Variants in MYO1B observed in about 807,000 individuals in gnomAD.
MYO1B encodes unconventional myosin-Ib.
In MYO1B, 72 loss-of-function variants were observed where a neutral mutation model predicts 159.7. The ratio of observed to expected loss-of-function variants is 0.45; its 90% CI spans 0.37 to 0.55. MYO1B has a LOEUF of 0.55. MYO1B is among the 20% of genes least tolerant of loss of function. The pLI is 0.00. For missense variants in MYO1B, 1,062 were observed against 1,364.8 expected (o/e 0.78, Z 3.50); for synonymous variants, 468 against 473.8 (o/e 0.99, Z 0.16).
intron 4 of MYO1B, among the ~76,000 whole-genome samples, chr2:191,338,672 C>T (rs1385959527): frequency 6.6e-6 from 1 of 152,186 alleles, no homozygotes; most frequent in Non-Finnish European, 1.5e-5. Context: ...AGCAGTTGTC[C>T]TCTAAGTTCA....
intron 2 of MYO1B, among the ~76,000 whole-genome samples, chr2:191,286,815 C>A (rs921117254): frequency 3.9e-5 from 6 of 152,008 alleles, no homozygotes; most frequent in Non-Finnish European, 8.8e-5. Context: ...TACCTGTAGT[C>A]CCAGGTATTC....
At chr2:191,299,237 G>A (rs1032816608) in intron 3 of MYO1B, among the ~76,000 whole-genome samples, 2 of 152,072 alleles carry the variant, frequency 1.3e-5, no homozygotes, top group Non-Finnish European at 2.9e-5. Flanking sequence ...CACCCCCAAG[G>A]AAAAGAACCA....
chr2:191,313,040 C>G (rs929842114), intron 3 of MYO1B, among the ~76,000 whole-genome samples: 3 of 151,992 alleles, frequency 2.0e-5, no homozygotes, highest in Non-Finnish European at 2.9e-5. Flanking sequence ...GGCAGGCCTT[C>G]CTAGCTCAAG....
At chr2:191,340,133 A>G (rs1001344383) in intron 4 of MYO1B, among the ~76,000 whole-genome samples, 6 of 152,088 alleles carry the variant, frequency 3.9e-5, no homozygotes, top group African/African-American at 1.4e-4. Flanking sequence ...TGCCAACATA[A>G]AATAGTCAAG....
Position 191,424,840 on chromosome 2 carries a change from CAAAGT to C in MYO1B, c.*885_*889del, listed in dbSNP as rs917050083. The C allele has an allele frequency of 2.0e-5, 3 of 152,474 alleles. No individual in the cohort carries two copies. Among genetic ancestry groups the C allele is most frequent in the African/African-American group, 2.4e-5 (1 of 41,418 alleles). 9.4% of individuals were successfully genotyped at this position (152,474 alleles called of 1,614,324 possible). A position where few individuals can be genotyped will look rare whatever the true frequency, so the allele number is the denominator to read the frequency against. On this transcript the variant is annotated 3_prime_UTR_variant, in exon 31 of 31. Coordinates refer to ENST00000392318, the MANE Select transcript of MYO1B (RefSeq NM_001130158.3). ...TTGAGTAGATATTTTAAACACCTAACAAAGTAAAGGGCTAAAAGCCATTCAGATAG... is the reference window on the plus strand; with the variant it reads ...TTGAGTAGATATTTTAAACACCTAACAAAGGGCTAAAAGCCATTCAGATAG...
intron 1 of MYO1B, among the ~76,000 whole-genome samples, chr2:191,255,912 A>G (rs1184969785): frequency 6.6e-6 from 1 of 152,188 alleles, no homozygotes; most frequent in Non-Finnish European, 1.5e-5. Context: ...AGGTCAGGTC[A>G]GGTCAGGTCG....
intron 3 of MYO1B, among the ~76,000 whole-genome samples, chr2:191,310,301 C>T (rs1689922275): frequency 6.6e-6 from 1 of 152,162 alleles, no homozygotes; most frequent in African/African-American, 2.4e-5. Context: ...CTCCTGGGTT[C>T]AAGTGATTCT....
rs115756970 is a variant in MYO1B at position 191,343,919 on chromosome 2, A to G, written c.452-2317A>G. Reference sequence around the variant, plus strand: ...TTGAGGAATGTGTCTCAAGTGTTCTATAATGGAACACTTGCTTTTTATTCT... The same window carrying G: ...TTGAGGAATGTGTCTCAAGTGTTCTGTAATGGAACACTTGCTTTTTATTCT... On this transcript the variant is annotated intron_variant, in intron 5 of 30. Coordinates refer to ENST00000392318, the MANE Select transcript of MYO1B (RefSeq NM_001130158.3). 9.5e-3 allele frequency among the ~76,000 whole-genome samples: 1,450 copies of G among 152,324 alleles called. 27 individuals carry two copies. Among genetic ancestry groups the G allele is most frequent in the African/African-American group, 0.033 (1,371 of 41,562 alleles).
chr2:191,375,681 C>G (rs1003379979), intron 13 of MYO1B, among the ~76,000 whole-genome samples: 1 of 152,122 alleles, frequency 6.6e-6, no homozygotes, highest in Non-Finnish European at 1.5e-5. Flanking sequence ...AATGTCCAAA[C>G]TTGGCACGGT....
rs575295408 is a variant in MYO1B at position 191,398,848 on chromosome 2, A to G, written c.2296-1534A>G. 2.4e-3 allele frequency among the ~76,000 whole-genome samples: 359 copies of G among 151,526 alleles called. 1 individual carries two copies. Among genetic ancestry groups the G allele is most frequent in the Middle Eastern group, 0.021 (6 of 292 alleles). Reference sequence around the variant, plus strand: ...GGGCGGCCAGGCAGAGACGCTCCTCACTTCCCAGACGGGGTGGCGGCCGGG... The same window carrying G: ...GGGCGGCCAGGCAGAGACGCTCCTCGCTTCCCAGACGGGGTGGCGGCCGGG... On this transcript the variant is annotated intron_variant, in intron 21 of 30. Transcript: ENST00000392318.
chr2:191,303,326 C>CGTGT (rs1427081953), intron 3 of MYO1B, among the ~76,000 whole-genome samples: 1 of 151,754 alleles, frequency 6.6e-6, no homozygotes, highest in Non-Finnish European at 1.5e-5. Flanking sequence ...GGTGTGTGTG[C>CGTGT]GTGTGTGTGT....
chr2:191,339,432 A>G (rs1692071546), intron 4 of MYO1B, among the ~76,000 whole-genome samples: 1 of 152,268 alleles, frequency 6.6e-6, no homozygotes, highest in Non-Finnish European at 1.5e-5. Context: ...TAGATAAACC[A>G]TGAGAATAAT....
intron 7 of MYO1B, among the ~76,000 whole-genome samples, chr2:191,355,212 G>A (rs1160258180): frequency 6.6e-6 from 1 of 152,206 alleles, no homozygotes; most frequent in Admixed American, 6.5e-5. Context: ...AGCCCAGACG[G>A]CTGCCAGCCA....
chr2:191,255,894 G>T (rs1686413884), intron 1 of MYO1B, among the ~76,000 whole-genome samples: 2 of 152,156 alleles, frequency 1.3e-5, no homozygotes, highest in South Asian at 4.1e-4. Flanking sequence ...AATAGACGGG[G>T]TCCTTTAAGG....
chr2:191,385,297 A>G (rs1243485191), intron 15 of MYO1B, among the ~76,000 whole-genome samples: 2 of 152,226 alleles, frequency 1.3e-5, no homozygotes, highest in Admixed American at 6.5e-5. Flanking sequence ...ATCTAAATCT[A>G]TATGAAACAG....
intron 1 of MYO1B, among the ~76,000 whole-genome samples, chr2:191,268,511 A>T (rs2125712344): frequency 6.6e-6 from 1 of 152,270 alleles, no homozygotes; most frequent in East Asian, 1.9e-4. Context: ...TGCTCACAGC[A>T]TGTCTCCTAT....
intron 1 of MYO1B, among the ~76,000 whole-genome samples, chr2:191,249,605 T>A (rs1307236776): frequency 6.6e-6 from 1 of 152,240 alleles, no homozygotes; most frequent in Non-Finnish European, 1.5e-5. Context: ...AGGAGCAGAC[T>A]GGAGTTTAAC....
intron 2 of MYO1B, among the ~76,000 whole-genome samples, chr2:191,295,028 A>G (rs1446587297): frequency 2.0e-5 from 3 of 152,184 alleles, no homozygotes; most frequent in Non-Finnish European, 4.4e-5. Flanking sequence ...GTGGGATGAC[A>G]TTGGAAAGGT....
At chr2:191,392,226 C>A in intron 19 of MYO1B, 25 bp downstream of exon 19, 2 of 1,525,550 alleles carry the variant, frequency 1.3e-6, no homozygotes, top group Non-Finnish European at 1.8e-6. Context: ...CCTTTACACT[C>A]TGAACTTAAG....
Sources: allele counts gnomAD v4.1 joint callset (sites outside exome capture counted in the v4.1 genomes callset), GRCh38; gene constraint gnomAD v4.1.1; transcripts MANE v1.5; gene names NCBI Gene and HGNC (gene_info 2026-07-23, HGNC 2026-07-21).